Variants in SLC38A6 observed in about 807,000 individuals in gnomAD.
SLC38A6 encodes solute carrier family 38 member 6.
Under a neutral mutation model 65.0 loss-of-function variants are expected in SLC38A6, and 73 were observed. The observed-to-expected ratio is 1.12, with a 90% CI of 0.93 to 1.37. The LOEUF is 1.37. Among genes scored for constraint, SLC38A6 ranks in the 40% most tolerant of loss-of-function variants. SLC38A6 has a pLI of 0.00. For synonymous variants in SLC38A6, 183 were observed against 178.8 expected, an observed-to-expected ratio of 1.02 and a Z score of -0.19; for missense variants, 561 against 531.1, an observed-to-expected ratio of 1.06 and a Z score of -0.55.
chr14:61,000,330 G>A (rs575979951), intron 3 of SLC38A6, among the ~76,000 whole-genome samples: 36 of 152,280 alleles, frequency 2.4e-4, no homozygotes, highest in African/African-American at 5.8e-4. Context: ...GTAGTCAAAC[G>A]TATCTTTAAA....
chr14:61,010,995 T>C (rs1301358300), intron 3 of SLC38A6, among the ~76,000 whole-genome samples: 1 of 152,186 alleles, frequency 6.6e-6, no homozygotes. Flanking sequence ...TTTCACGACA[T>C]TGATTCTTCC....
intron 12 of SLC38A6, among the ~76,000 whole-genome samples, chr14:61,049,791 A>T (rs1040562952): frequency 6.6e-6 from 1 of 152,140 alleles, no homozygotes; most frequent in African/African-American, 2.4e-5. Flanking sequence ...AAACACTGAT[A>T]TCCAGTGTTT....
chr14:60,985,415 C>T (rs115046047), intron 3 of SLC38A6, among the ~76,000 whole-genome samples: 4 of 152,132 alleles, frequency 2.6e-5, no homozygotes. Flanking sequence ...CTTTTAGGAT[C>T]CAGTAAATAA....
chr14:60,984,106 T>C (rs1000741259), intron 2 of SLC38A6, among the ~76,000 whole-genome samples: 11 of 152,228 alleles, frequency 7.2e-5, no homozygotes, highest in African/African-American at 2.7e-4. Context: ...AAGTTTTTTC[T>C]TTCACACTGT....
At chr14:61,074,177 C>T (rs2043321152) in intron 15 of SLC38A6, among the ~76,000 whole-genome samples, 1 of 152,168 alleles carries the variant, frequency 6.6e-6, no homozygotes, top group Non-Finnish European at 1.5e-5. Flanking sequence ...CTGACCCCCA[C>T]ATTGTTCAAA....
chr14:61,071,005 G>A (rs1298373970), intron 15 of SLC38A6, among the ~76,000 whole-genome samples: 1 of 152,018 alleles, frequency 6.6e-6, no homozygotes, highest in East Asian at 1.9e-4. Flanking sequence ...TTATTCTGTT[G>A]ATTATTTCTT....
chr14:61,064,119 AGTTTACCTC>A (rs1246237219), intron 15 of SLC38A6, among the ~76,000 whole-genome samples: 1 of 152,156 alleles, frequency 6.6e-6, no homozygotes, highest in Non-Finnish European at 1.5e-5. Context: ...GCTTTCCCAC[AGTTTACCTC>A]AGCTGTACTC....
intron 6 of SLC38A6, chr14:61,031,108 A>T (rs115865531): frequency 6.6e-6 from 1 of 152,110 alleles, no homozygotes; most frequent in South Asian, 2.1e-4. Flanking sequence ...TATCTCTTTT[A>T]TCTTTCTTTA....
At chr14:61,008,167 A>G (rs1188284114) in intron 3 of SLC38A6, among the ~76,000 whole-genome samples, 2 of 152,206 alleles carry the variant, frequency 1.3e-5, no homozygotes, top group Non-Finnish European at 2.9e-5. Context: ...ATTGTTTAGC[A>G]GTATGTAAAT....
chr14:60,987,158 G>A, intron 3 of SLC38A6: 1 of 258,566 alleles, frequency 3.9e-6, no homozygotes, highest in Non-Finnish European at 7.5e-6. Context: ...CTCTGTGGAG[G>A]TAGGCTTTTC....
downstream of SLC38A6, among the ~76,000 whole-genome samples, chr14:61,054,782 A>G (rs1244265712): frequency 1.3e-5 from 2 of 152,102 alleles, no homozygotes; most frequent in Non-Finnish European, 2.9e-5. Context: ...ACCATTCTAG[A>G]TATAGAATCA....
chr14:61,060,997 A>G (rs1594770056), intron 15 of SLC38A6, among the ~76,000 whole-genome samples: 2 of 151,124 alleles, frequency 1.3e-5, no homozygotes, highest in Admixed American at 1.3e-4. Flanking sequence ...CGGTGCGCGC[A>G]CACACTGGCC....
intron 15 of SLC38A6, among the ~76,000 whole-genome samples, chr14:61,069,438 C>T (rs189971137): frequency 6.6e-6 from 1 of 152,164 alleles, no homozygotes; most frequent in East Asian, 1.9e-4. Flanking sequence ...TATATTTGAG[C>T]CCTTTCTTAC....
chr14:61,066,795 AG>A (rs1428384967), intron 15 of SLC38A6, among the ~76,000 whole-genome samples: 1 of 152,192 alleles, frequency 6.6e-6, no homozygotes, highest in Non-Finnish European at 1.5e-5. Flanking sequence ...GTCAACTGTT[AG>A]TGAACCCGTG....
intron 5 of SLC38A6, among the ~76,000 whole-genome samples, chr14:61,019,985 A>G (rs1478503380): frequency 6.6e-6 from 1 of 152,190 alleles, no homozygotes; most frequent in African/African-American, 2.4e-5. Context: ...ACAAGCAAGT[A>G]TGGACAACAG....
chr14:61,032,950 C>A (rs1373015811), intron 6 of SLC38A6, among the ~76,000 whole-genome samples: 1 of 151,794 alleles, frequency 6.6e-6, no homozygotes, highest in Non-Finnish European at 1.5e-5. Context: ...AAATATAAAT[C>A]TTTATAAAGA....
intron 8 of SLC38A6, among the ~76,000 whole-genome samples, chr14:61,040,165 T>C (rs144540531): frequency 2.0e-3 from 303 of 152,004 alleles, no homozygotes; most frequent in African/African-American, 7.1e-3. Context: ...GTAATCCAGT[T>C]AGACAACTTT....
chr14:61,005,738 A>G (rs370280835), intron 3 of SLC38A6, among the ~76,000 whole-genome samples: 4 of 152,202 alleles, frequency 2.6e-5, no homozygotes, highest in East Asian at 1.9e-4. Context: ...AATCAATATC[A>G]TGAAAATCGC....
chr14:61,038,704 CAA>C (rs1277585753), intron 8 of SLC38A6, among the ~76,000 whole-genome samples: 12 of 152,172 alleles, frequency 7.9e-5, no homozygotes, highest in African/African-American at 2.9e-4. Flanking sequence ...ATTATTTAAA[CAA>C]AGTGGAAGTG....
Sources: allele counts gnomAD v4.1 joint callset (sites outside exome capture counted in the v4.1 genomes callset), GRCh38; gene constraint gnomAD v4.1.1; transcripts MANE v1.5; gene names NCBI Gene and HGNC (gene_info 2026-07-23, HGNC 2026-07-21).